Variants in PCDHGA4 observed in about 807,000 individuals in gnomAD.
The protein encoded by PCDHGA4 is protocadherin gamma-A4.
Under a neutral mutation model 54.6 loss-of-function variants are expected in PCDHGA4, and 38 were observed. The ratio of observed to expected loss-of-function variants is 0.70; its 90% confidence interval spans 0.54 to 0.91. The LOEUF (loss-of-function observed/expected upper bound fraction) is 0.91, where lower values mean the gene tolerates loss of function less well. PCDHGA4 is among the 40% of genes least tolerant of loss of function. The probability of loss-of-function intolerance (pLI) is 0.00; values close to 1 mark genes in which losing one functional copy is unlikely to be tolerated. For missense variants in PCDHGA4, 1,298 were observed against 1,220.9 expected (o/e 1.06, Z -0.94); for synonymous variants, 511 against 512.9 (o/e 1.00, Z 0.05).
chr5:141,446,266 A>C (rs1268290014), intron 1 of PCDHGA4, among the ~76,000 whole-genome samples: 1 of 152,174 alleles, frequency 6.6e-6, no homozygotes, highest in African/African-American at 2.4e-5. Context: ...TTATTAACTG[A>C]ATAAATACAA....
At chr5:141,411,881 G>T (rs1299555823) in intron 1 of PCDHGA4, 2 of 152,114 alleles carry the variant, frequency 1.3e-5, no homozygotes, top group Middle Eastern at 3.2e-3. Flanking sequence ...ACATTTCTAA[G>T]AAATAAATGA....
intron 1 of PCDHGA4, chr5:141,360,871 G>A: frequency 1.2e-6 from 2 of 1,614,042 alleles, no homozygotes; most frequent in Non-Finnish European, 1.7e-6. Flanking sequence ...CAGCCAGGAC[G>A]TGTACAGGGT....
chr5:141,422,633 G>T lies in PCDHGA4; in HGVS notation c.2514+65012G>T, dbSNP rs769515606. 10 of 1,613,120 alleles carry T rather than the reference G, an allele frequency of 6.2e-6. No individual in the cohort carries two copies. In the East Asian group the frequency reaches 2.0e-4, roughly 32 times the overall value. ...TACATTCCCGAAAACAACCCCAGGG[G>T]TGCCTCCATCTTCTCAGTGACCGCC... On this transcript the variant is annotated intron_variant, in intron 1 of 3. Coordinates refer to ENST00000571252, the MANE Select transcript of PCDHGA4 (RefSeq NM_018917.4).
chr5:141,379,107 T>G (rs74510444), intron 1 of PCDHGA4: 16 of 152,328 alleles, frequency 1.1e-4, no homozygotes, highest in African/African-American at 3.6e-4. Context: ...AAAAAGCAAT[T>G]GAGAAGATAC....
chr5:141,483,730 T>G (rs999201456), intron 1 of PCDHGA4, among the ~76,000 whole-genome samples: 1 of 152,014 alleles, frequency 6.6e-6, no homozygotes, highest in Non-Finnish European at 1.5e-5. Flanking sequence ...CCCACCATAG[T>G]CAAAAGGATA....
chr5:141,426,717 G>A (rs974405285), intron 1 of PCDHGA4: 1 of 446,052 alleles, frequency 2.2e-6, no homozygotes, highest in African/African-American at 2.0e-5. Flanking sequence ...CAATGAACTA[G>A]CAATTCCAGG....
intron 1 of PCDHGA4, among the ~76,000 whole-genome samples, chr5:141,435,885 C>T (rs2097784639): frequency 6.6e-6 from 1 of 152,088 alleles, no homozygotes; most frequent in Non-Finnish European, 1.5e-5. Context: ...TTGGAAACCC[C>T]TTAGAGAATG....
intron 1 of PCDHGA4, among the ~76,000 whole-genome samples, chr5:141,461,644 A>C (rs1266858748): frequency 1.3e-5 from 2 of 151,868 alleles, no homozygotes; most frequent in Non-Finnish European, 2.9e-5. Flanking sequence ...TTCTTCTTTG[A>C]CCCATGGATT....
At chr5:141,389,926 A>G (rs1442843006) in intron 1 of PCDHGA4, 2 of 1,613,766 alleles carry the variant, frequency 1.2e-6, no homozygotes, top group Non-Finnish European at 1.7e-6. Context: ...GACCCCTCTG[A>G]CCTCCAGGCT....
rs776176122 is a variant in PCDHGA4, at chr5:141,408,982, T to C, written c.2514+51361T>C. 124 of 1,613,830 alleles carry C rather than the reference T, an allele frequency of 7.7e-5. 1 individual carries two copies. Among genetic ancestry groups the C allele is most frequent in the Admixed American group, 3.7e-4 (22 of 59,994 alleles). ...GTGAAAATCTGCCCCCTGGGTCCCC[T>C]GTGTTGCAAGTGACAGCCACTGACC... On this transcript the variant is annotated intron_variant, in intron 1 of 3. Transcript: ENST00000571252.
intron 1 of PCDHGA4, chr5:141,407,992 G>A (rs929571955): frequency 4.3e-5 from 37 of 851,508 alleles, no homozygotes; most frequent in Middle Eastern, 3.7e-4. Context: ...GTCAGCCTCT[G>A]GCCTGGGATT....
In PCDHGA4 at chr5:141,486,836, G is replaced by C; in HGVS notation, c.2515-7971G>C. On this transcript the variant is annotated intron_variant, in intron 1 of 3. Coordinates refer to ENST00000571252, the MANE Select transcript of PCDHGA4 (RefSeq NM_018917.4). This position sits in a 1 kb window ranked among gnomAD's most constrained non-coding sequence, Gnocchi z 5.0. ...CAGCACTGTAACAGTTCGTCTATTT[G>C]TGCTGGACCTCAATGACAATGCTCC... 1 of 1,614,242 alleles carries C rather than the reference G, an allele frequency of 6.2e-7. No individual in the cohort carries two copies. The highest frequency in any genetic ancestry group is 8.5e-7 in the Non-Finnish European group (1 of 1,180,046).
intron 1 of PCDHGA4, chr5:141,365,051 C>T: frequency 6.2e-7 from 1 of 1,613,924 alleles, no homozygotes; most frequent in Non-Finnish European, 8.5e-7. Context: ...CAATGCGCCC[C>T]TGTTCACCCC....
In PCDHGA4 at chr5:141,486,077, C is replaced by T; in HGVS notation, c.2515-8730C>T. 6.2e-7 allele frequency: 1 copy of T among 1,614,186 alleles called. No individual in the cohort carries two copies. The highest frequency in any genetic ancestry group is 8.5e-7 in the Non-Finnish European group (1 of 1,180,024). ...TAGCCTGCACCCCACTACTGGAAAG[C>T]TTACTCTTTTGGGGCCCCTAGACTT... On this transcript the variant is annotated intron_variant, in intron 1 of 3. Coordinates refer to ENST00000571252, the MANE Select transcript of PCDHGA4 (RefSeq NM_018917.4). The surrounding 1 kb of genome is among the most constrained non-coding windows in gnomAD (Gnocchi z 5.0).
At chr5:141,395,578 G>A (rs2093281923) in intron 1 of PCDHGA4, 1 of 227,714 alleles carries the variant, frequency 4.4e-6, no homozygotes, top group East Asian at 9.3e-5. Flanking sequence ...GTGTGTGTGT[G>A]TGTGTGTGTG....
At position 141,431,020 on chromosome 5, in the gene PCDHGA4, G is replaced by T. The variant is rs941765907; in HGVS notation, c.2515-63787G>T. ...CGCGCAGCGGCAGCTTGGTCACGGCGGGCAGGATAGACCGGGAGGAGCTCT... is the reference window on the plus strand; with the variant it reads ...CGCGCAGCGGCAGCTTGGTCACGGCTGGCAGGATAGACCGGGAGGAGCTCT... On this transcript the variant is annotated intron_variant, in intron 1 of 3. Coordinates refer to ENST00000571252, the MANE Select transcript of PCDHGA4 (RefSeq NM_018917.4). This position sits in a 1 kb window ranked among gnomAD's most constrained non-coding sequence, Gnocchi z 4.8. 2.5e-6 allele frequency: 4 copies of T among 1,614,050 alleles called. No homozygotes were observed. The East Asian group carries it at 8.9e-5, about 36-fold the overall frequency.
At chr5:141,430,936 C>T (rs2097327732) in intron 1 of PCDHGA4, 4 of 1,606,984 alleles carry the variant, frequency 2.5e-6, no homozygotes, top group Admixed American at 3.4e-5. Flanking sequence ...CCCGGGAGCT[C>T]GCGGAGCGCG....
chr5:141,361,064 A>C, intron 1 of PCDHGA4: 1 of 1,613,918 alleles, frequency 6.2e-7, no homozygotes, highest in Non-Finnish European at 8.5e-7. Flanking sequence ...TTGGATTTTG[A>C]GATTGCAAGT....
At chr5:141,447,613 A>G (rs1169186870) in intron 1 of PCDHGA4, among the ~76,000 whole-genome samples, 1 of 152,186 alleles carries the variant, frequency 6.6e-6, no homozygotes, top group Admixed American at 6.5e-5. Context: ...TTAGCATTTT[A>G]AAGTTGAAAC....
Sources: allele counts gnomAD v4.1 joint callset (sites outside exome capture counted in the v4.1 genomes callset), GRCh38; gene constraint gnomAD v4.1.1; non-coding constraint Gnocchi (gnomAD v3.1); transcripts MANE v1.5; gene names NCBI Gene and HGNC (gene_info 2026-07-23, HGNC 2026-07-21).